The following INSR variants were observed in gnomAD, a reference collection of about 807,000 sequenced individuals.
INSR encodes IR.
A neutral mutation model predicts 142.6 loss-of-function variants in INSR; 67 were observed. The ratio of observed to expected loss-of-function variants is 0.47; its 90% CI spans 0.39 to 0.58. The LOEUF (loss-of-function observed/expected upper bound fraction) is 0.58. Among genes scored for constraint, INSR ranks in the 20% least tolerant of loss-of-function variants. The pLI, the probability that INSR is intolerant of heterozygous loss-of-function variation, is 0.00. For missense variants in INSR, 1,248 were observed against 1,833.2 expected, an observed-to-expected ratio of 0.68 and a Z score of 5.83; for synonymous variants, 756 against 743.1, an observed-to-expected ratio of 1.02 and a Z score of -0.28.
chr19:7,287,405 C>T (rs1968373428), intron 1 of INSR, among the ~76,000 whole-genome samples: 3 of 151,936 alleles, frequency 2.0e-5, no homozygotes, highest in Admixed American at 1.3e-4. Flanking sequence ...AAGTGATCCA[C>T]CCACCTCGGC....
chr19:7,246,143 C>T (rs1262798254), intron 2 of INSR, among the ~76,000 whole-genome samples: 2 of 152,134 alleles, frequency 1.3e-5, no homozygotes, highest in Non-Finnish European at 2.9e-5. Flanking sequence ...TTTCCCACTC[C>T]AGGGTTCTTT....
In INSR at chr19:7,236,882, C is replaced by A. The variant is rs536010731; in HGVS notation, c.652+30463G>T. Among the ~76,000 whole-genome samples the A allele has an allele frequency of 1.1e-4, 16 of 151,976 alleles. No homozygotes were observed. The South Asian group carries it at 3.3e-3, about 32-fold the overall frequency. On this transcript the variant is annotated intron_variant, in intron 2 of 21. Transcript: ENST00000302850. ...TCTACTAAAAATACAAAAAAATTAGCCAGGCATGGTGGCAGGCGCCTGTAG... is the reference window on the plus strand; with the variant it reads ...TCTACTAAAAATACAAAAAAATTAGACAGGCATGGTGGCAGGCGCCTGTAG...
chr19:7,180,944 T>C (rs1472009767), intron 3 of INSR, among the ~76,000 whole-genome samples: 4 of 151,950 alleles, frequency 2.6e-5, no homozygotes, highest in African/African-American at 9.7e-5. Context: ...GATGACCACT[T>C]TTATTTTTTC....
chr19:7,277,696 C>T (rs1048949244), intron 1 of INSR, among the ~76,000 whole-genome samples: 1 of 152,080 alleles, frequency 6.6e-6, no homozygotes, highest in African/African-American at 2.4e-5. Flanking sequence ...ACTCAGGAGG[C>T]TTAGGCAGGA....
chr19:7,214,142 T>A lies in INSR; in HGVS notation c.653-29505A>T, dbSNP rs1250886917. Among the ~76,000 whole-genome samples, 5 of 152,178 alleles carry A rather than the reference T, an allele frequency of 3.3e-5. No individual in the cohort carries two copies. The East Asian group carries it at 9.6e-4, about 29-fold the overall frequency. On this transcript the variant is annotated intron_variant, in intron 2 of 21. Coordinates refer to ENST00000302850, the MANE Select transcript of INSR (RefSeq NM_000208.4). ...TGATGAAGGTGTTTTCTCTTTGTGATTAAACGCCTTACTCATCTGAAGGGG... is the reference window on the plus strand; with the variant it reads ...TGATGAAGGTGTTTTCTCTTTGTGAATAAACGCCTTACTCATCTGAAGGGG...
chr19:7,119,343 A>G lies in INSR; in HGVS notation c.3794+106T>C, dbSNP rs1972418777. ...CACACCTGTAACATACAGCATGCAA[A>G]CACGGTGAGCGTGTAGACATAGGAA... is the stretch of plus-strand genomic sequence containing the variant. On this transcript the variant is annotated intron_variant, in intron 21 of 21. Coordinates refer to ENST00000302850, the MANE Select transcript of INSR (RefSeq NM_000208.4). The surrounding 1 kb of genome is among the most constrained non-coding windows in gnomAD (Gnocchi z 5.2). 7.7e-7 allele frequency: 1 copy of G among 1,302,402 alleles called. No homozygotes were observed. The highest frequency in any genetic ancestry group is 1.5e-5 in the African/African-American group (1 of 68,820). 80.7% of individuals were successfully genotyped at this position (1,302,402 alleles called of 1,614,324 possible). A position where few individuals can be genotyped will look rare whatever the true frequency, so the allele number is the denominator to read the frequency against.
intron 9 of INSR, 93 bp downstream of exon 9, chr19:7,162,939 G>A: frequency 2.4e-6 from 3 of 1,231,696 alleles, no homozygotes; most frequent in Non-Finnish European, 3.6e-6. Flanking sequence ...CTGAGACACA[G>A]GAAGAGATAG....
chr19:7,219,847 G>A (rs370602186), intron 2 of INSR, among the ~76,000 whole-genome samples: 7 of 152,166 alleles, frequency 4.6e-5, no homozygotes, highest in African/African-American at 1.7e-4. Context: ...GGTGTCAGAA[G>A]TCTGAGACAC....
chr19:7,226,745 T>A (rs1299948395), intron 2 of INSR, among the ~76,000 whole-genome samples: 65 of 61,260 alleles, frequency 1.1e-3, no homozygotes, highest in Admixed American at 1.5e-3. Flanking sequence ...AAAAAAAAAA[T>A]GCCTGAAGGA....
intron 1 of INSR, among the ~76,000 whole-genome samples, chr19:7,272,864 G>A (rs1354326703): frequency 1.3e-5 from 2 of 152,036 alleles, no homozygotes; most frequent in Non-Finnish European, 2.9e-5. Context: ...TTACAGGTAT[G>A]AACCTTCTCC....
chr19:7,290,777 AG>A (rs905449198), intron 1 of INSR, among the ~76,000 whole-genome samples: 3 of 149,268 alleles, frequency 2.0e-5, no homozygotes, highest in African/African-American at 7.5e-5. Flanking sequence ...AAAAAAAAAA[AG>A]AAAAAAAAAA....
At chr19:7,138,551 T>G (rs1050600586) in intron 13 of INSR, among the ~76,000 whole-genome samples, 2 of 152,024 alleles carry the variant, frequency 1.3e-5, no homozygotes, top group Non-Finnish European at 1.5e-5. Context: ...TTTGAAATTT[T>G]TTTTTTGCAG....
At chr19:7,284,635 T>C (rs921146627) in intron 1 of INSR, among the ~76,000 whole-genome samples, 4 of 152,072 alleles carry the variant, frequency 2.6e-5, no homozygotes, top group Admixed American at 6.6e-5. Context: ...TCCAAGTGAT[T>C]CTCCTGCCTC....
At position 7,267,210 on chromosome 19, in the gene INSR, G is replaced by A. The variant is rs905721729; in HGVS notation, c.652+135C>T. On this transcript the variant is annotated intron_variant, in intron 2 of 21. Transcript: ENST00000302850. This position sits in a 1 kb window ranked among gnomAD's most constrained non-coding sequence, Gnocchi z 6.3. ...TACAGAAAATGTCTGCCACTCCCTG[G>A]GCTAGTGAATGCCACCACCCACTAT... 1.1e-6 allele frequency: 1 copy of A among 876,748 alleles called. No homozygotes were observed. Among genetic ancestry groups the A allele is most frequent in the Admixed American group, 2.0e-5 (1 of 50,820 alleles). 54.3% of individuals were successfully genotyped at this position (876,748 alleles called of 1,614,324 possible).
At chr19:7,135,976 A>AAAAAAAG in intron 13 of INSR, among the ~76,000 whole-genome samples, 2 of 146,566 alleles carry the variant, frequency 1.4e-5, no homozygotes, top group East Asian at 2.1e-4. Flanking sequence ...TCAAAAAAAA[A>AAAAAAAG]AAAGAAAGAA....
At chr19:7,219,019 G>T (rs1194689312) in intron 2 of INSR, among the ~76,000 whole-genome samples, 1 of 152,204 alleles carries the variant, frequency 6.6e-6, no homozygotes, top group Non-Finnish European at 1.5e-5. Context: ...CTTGTTGGTG[G>T]CAGCAAAGAA....
intron 2 of INSR, among the ~76,000 whole-genome samples, chr19:7,237,835 AT>A (rs1286999683): frequency 4.1e-5 from 6 of 146,408 alleles, no homozygotes; most frequent in East Asian, 3.9e-4. Flanking sequence ...AATAAATAAA[AT>A]TAAATTAAAT....
chr19:7,189,085 C>T (rs8103934), intron 2 of INSR, among the ~76,000 whole-genome samples: 13,179 of 151,950 alleles, frequency 0.087, 601 homozygotes, highest in South Asian at 0.17. Context: ...TCTGTGGGAA[C>T]CTGAGGGCTG....
rs948326736 is a variant in INSR at position 7,150,677 on chromosome 19, C to T, written c.2232-145G>A. On this transcript the variant is annotated intron_variant, in intron 10 of 21. Coordinates refer to ENST00000302850, the MANE Select transcript of INSR (RefSeq NM_000208.4). This position sits in a 1 kb window ranked among gnomAD's most constrained non-coding sequence, Gnocchi z 4.2. ...CCACTCGCTCCCATCACTTGCTAGA[C>T]GGAGTGAGCTACATCTTCCCCAGCA... 3 of 747,292 alleles carry T rather than the reference C, an allele frequency of 4.0e-6. No homozygotes were observed. The highest frequency in any genetic ancestry group is 3.4e-5 in the African/African-American group (2 of 58,626). 46.3% of individuals were successfully genotyped at this position (747,292 alleles called of 1,614,324 possible).
Sources: allele counts gnomAD v4.1 joint callset (sites outside exome capture counted in the v4.1 genomes callset), GRCh38; gene constraint gnomAD v4.1.1; non-coding constraint Gnocchi (gnomAD v3.1); transcripts MANE v1.5; gene names NCBI Gene and HGNC (gene_info 2026-07-23, HGNC 2026-07-21).